LTBP1: variants seen among roughly 807,000 people sequenced by gnomAD.
LTBP1 encodes the protein latent transforming growth factor beta binding protein 1, also known as latent-transforming growth factor beta-binding protein 1.
A neutral mutation model predicts 207.6 loss-of-function variants in LTBP1; 129 were observed. That is an observed-to-expected ratio of 0.62 (90% CI 0.54 to 0.72). LTBP1 has a LOEUF of 0.72. Ranked by LOEUF, LTBP1 falls within the 30% of genes least tolerant of loss-of-function variation. The probability of loss-of-function intolerance (pLI) is 0.00; values close to 1 mark genes in which losing one functional copy is unlikely to be tolerated. For synonymous variants in LTBP1, 963 were observed against 833.7 expected (o/e 1.16, Z -2.67); for missense variants, 2,281 against 2,217.2 (o/e 1.03, Z -0.58).
chr2:33,271,385 C>T (rs1295256935), intron 15 of LTBP1, among the ~76,000 whole-genome samples: 2 of 151,870 alleles, frequency 1.3e-5, no homozygotes, highest in Admixed American at 6.6e-5. Flanking sequence ...AATAACCACC[C>T]GGGAAAAAAC....
chr2:33,074,491 C>T (rs572342625), intron 3 of LTBP1, among the ~76,000 whole-genome samples: 41 of 152,148 alleles, frequency 2.7e-4, no homozygotes, highest in African/African-American at 9.9e-4. Context: ...AACCCCAGCA[C>T]TTTGGGAGGC....
Position 33,365,444 on chromosome 2 carries a change from G to C in LTBP1, c.4652G>C (p.Cys1551Ser). The C allele has an allele frequency of 1.9e-6, 3 of 1,614,168 alleles. No individual in the cohort carries two copies. The highest frequency in any genetic ancestry group is 2.5e-6 in the Non-Finnish European group (3 of 1,180,022). The change falls in exon 31 of 34, where the codon TGC becomes TCC. Residue 1551 changes from cysteine (C) to serine (S), a missense_variant. Physicochemically the swap from Cys to Ser is moderately radical, Grantham distance 112. This residue lies in a region of LTBP1 where 1,671 missense variants were observed against 1,634.8 expected (regional missense o/e 1.02). Transcript: ENST00000404816. ...VGKQTTYTEC[C>S]CLYGEAWGMQ... ...AAGCAGACAACGTACACTGAGTGCTGCTGTCTGTATGGAGAGGCCTGGGGC... is the reference window on the plus strand; with the variant it reads ...AAGCAGACAACGTACACTGAGTGCTCCTGTCTGTATGGAGAGGCCTGGGGC...
chr2:33,392,363 T>C (rs912117395), intron 32 of LTBP1, among the ~76,000 whole-genome samples: 4 of 152,064 alleles, frequency 2.6e-5, no homozygotes, highest in African/African-American at 4.8e-5. Flanking sequence ...ATTTTTGCAT[T>C]TTTAGTAGAG....
intron 5 of LTBP1, among the ~76,000 whole-genome samples, chr2:33,158,297 A>G (rs755476026): frequency 2.6e-5 from 4 of 152,182 alleles, no homozygotes; most frequent in Non-Finnish European, 5.9e-5. Flanking sequence ...ATCAAACCCA[A>G]ATATCCAGGG....
At chr2:32,958,597 A>C (rs576959937) in intron 2 of LTBP1, among the ~76,000 whole-genome samples, 2 of 152,234 alleles carry the variant, frequency 1.3e-5, no homozygotes, top group African/African-American at 4.8e-5. Flanking sequence ...CCACAGTACA[A>C]ATGCTACCTA....
At chr2:33,148,412 G>C (rs1031010194) in intron 5 of LTBP1, among the ~76,000 whole-genome samples, 2 of 152,138 alleles carry the variant, frequency 1.3e-5, no homozygotes, top group Non-Finnish European at 2.9e-5. Context: ...GAATTGTCCA[G>C]ATTTGACTTA....
At chr2:33,243,440 C>T (rs2092403223) in intron 9 of LTBP1, among the ~76,000 whole-genome samples, 1 of 152,102 alleles carries the variant, frequency 6.6e-6, no homozygotes, top group Non-Finnish European at 1.5e-5. Context: ...CTAGTAAATC[C>T]TTAGCACCTG....
chr2:33,151,941 G>C (rs752052134), intron 5 of LTBP1, among the ~76,000 whole-genome samples: 3 of 150,704 alleles, frequency 2.0e-5, no homozygotes, highest in Admixed American at 6.6e-5. Flanking sequence ...CAATTTTGCA[G>C]TTGTGACTTG....
intron 26 of LTBP1, among the ~76,000 whole-genome samples, chr2:33,353,013 C>A (rs930402517): frequency 3.0e-5 from 4 of 133,526 alleles, no homozygotes; most frequent in Admixed American, 8.2e-5. Flanking sequence ...GAGTCTTGCT[C>A]CATTGCGCAG....
intron 32 of LTBP1, among the ~76,000 whole-genome samples, chr2:33,390,027 G>A (rs1050635270): frequency 2.0e-5 from 3 of 152,212 alleles, no homozygotes; most frequent in Admixed American, 2.0e-4. Flanking sequence ...GAGCCCAGTT[G>A]TATTGCAGCC....
In LTBP1 at chr2:33,398,404, C is replaced by G. The variant is rs764588104; in HGVS notation, c.5025C>G (p.Leu1675=). 5.0e-6 allele frequency: 8 copies of G among 1,614,152 alleles called. No individual in the cohort carries two copies. Among genetic ancestry groups the G allele is most frequent in the Non-Finnish European group, 6.8e-6 (8 of 1,180,008 alleles). Residue 1675 remains leucine, a synonymous_variant, in exon 34 of 34, where the codon CTC becomes CTG. Transcript: ENST00000404816. ...ATGAGTTGAACAACCGGATGTCTCT[C>G]TGCAAGAATGCCAAGTGCATTAACA... is the stretch of plus-strand genomic sequence containing the variant. ...ECDELNNRMS[L]CKNAKCINTD...
chr2:33,392,913 G>A (rs2095327204), intron 32 of LTBP1, among the ~76,000 whole-genome samples: 1 of 149,940 alleles, frequency 6.7e-6, no homozygotes, highest in African/African-American at 2.5e-5. Context: ...TCACTATATT[G>A]CCCAGGCTGG....
At chr2:33,171,958 G>C (rs1048808031) in intron 5 of LTBP1, among the ~76,000 whole-genome samples, 5 of 152,158 alleles carry the variant, frequency 3.3e-5, no homozygotes, top group African/African-American at 1.2e-4. Context: ...AGCAAATGCT[G>C]AGAGATTTTG....
chr2:33,230,427 T>A (rs1048399309), intron 9 of LTBP1, among the ~76,000 whole-genome samples: 1 of 152,172 alleles, frequency 6.6e-6, no homozygotes, highest in Admixed American at 6.5e-5. Context: ...TTATTACATA[T>A]ACACACATGG....
chr2:33,390,165 A>T (rs1317236434), intron 32 of LTBP1, among the ~76,000 whole-genome samples: 1 of 152,240 alleles, frequency 6.6e-6, no homozygotes, highest in African/African-American at 2.4e-5. Flanking sequence ...TACATTGGTG[A>T]GGGGATTTAT....
intron 7 of LTBP1, among the ~76,000 whole-genome samples, chr2:33,189,900 G>T (rs957395865): frequency 6.6e-6 from 1 of 151,944 alleles, no homozygotes; most frequent in African/African-American, 2.4e-5. Context: ...GGTGGCAGGC[G>T]CCTGTAATCC....
chr2:33,064,526 T>G (rs183058124), intron 3 of LTBP1, among the ~76,000 whole-genome samples: 45 of 152,284 alleles, frequency 3.0e-4, no homozygotes, highest in Non-Finnish European at 5.6e-4. Context: ...GTAGCCCAGG[T>G]CGATGTTACT....
intron 9 of LTBP1, among the ~76,000 whole-genome samples, chr2:33,223,307 G>A: frequency 6.6e-6 from 1 of 152,050 alleles, no homozygotes; most frequent in East Asian, 1.9e-4. Context: ...TAGAGTCTTT[G>A]GTAACATAAA....
intron 9 of LTBP1, among the ~76,000 whole-genome samples, chr2:33,232,657 A>AC (rs2091853780): frequency 6.6e-6 from 1 of 152,184 alleles, no homozygotes; most frequent in Admixed American, 6.6e-5. Flanking sequence ...TTTCAGATAA[A>AC]CAACAAATAG....
Sources: gnomAD v4.1 joint callset for allele counts (sites outside exome capture counted in the v4.1 genomes callset) on GRCh38, gnomAD v4.1.1 for gene constraint, gnomAD v4.1.1 regional missense constraint, MANE v1.5 for transcripts, NCBI Gene and HGNC (gene_info 2026-07-23, HGNC 2026-07-21) for gene names.